ZBTB38: variants seen among roughly 807,000 people sequenced by gnomAD.
ZBTB38 encodes zinc finger and BTB domain-containing protein 38.
In ZBTB38, 20 loss-of-function variants were observed where a neutral mutation model predicts 76.8. That is an observed-to-expected ratio of 0.26 (90% CI 0.18 to 0.38). The LOEUF (loss-of-function observed/expected upper bound fraction) is 0.38, where lower values mean the gene tolerates loss of function less well. ZBTB38 is among the 10% of genes least tolerant of loss of function. The pLI is 1.00. For synonymous variants in ZBTB38, 504 were observed against 544.2 expected (o/e 0.93, Z 1.03); for missense variants, 1,082 against 1,482.3 (o/e 0.73, Z 4.43).
At chr3:141,337,390 A>G (rs913392550) in intron 1 of ZBTB38, among the ~76,000 whole-genome samples, 1 of 152,236 alleles carries the variant, frequency 6.6e-6, no homozygotes, top group South Asian at 2.1e-4. Flanking sequence ...AATTCCCTGG[A>G]TGAGGCGTTG....
At chr3:141,441,173 G>T (rs919484125) in intron 5 of ZBTB38, among the ~76,000 whole-genome samples, 1 of 152,100 alleles carries the variant, frequency 6.6e-6, no homozygotes, top group Non-Finnish European at 1.5e-5. Flanking sequence ...CTTACTGTGG[G>T]AAGTATGAAA....
Position 141,396,971 on chromosome 3 carries a change from T to C in ZBTB38, c.-105-6956T>C, listed in dbSNP as rs116778417. Reference sequence around the variant, plus strand: ...GTCCTAGGATTTTCATAATGGTCAATGGGCACTGGCTTCAACTTAAAGTCA... The same window carrying C: ...GTCCTAGGATTTTCATAATGGTCAACGGGCACTGGCTTCAACTTAAAGTCA... On this transcript the variant is annotated intron_variant, in intron 4 of 5. Coordinates refer to ENST00000321464, the MANE Select transcript of ZBTB38 (RefSeq NM_001376113.1). 3.0e-3 allele frequency among the ~76,000 whole-genome samples: 461 copies of C among 152,342 alleles called. 2 individuals carry two copies. Among genetic ancestry groups the C allele is most frequent in the African/African-American group, 0.011 (447 of 41,582 alleles).
At chr3:141,388,820 C>T (rs1947923133) in intron 4 of ZBTB38, 1 of 152,120 alleles carries the variant, frequency 6.6e-6, no homozygotes, top group Admixed American at 6.5e-5. Context: ...ATAGAGAAAG[C>T]TTGCACAGTG....
intron 1 of ZBTB38, among the ~76,000 whole-genome samples, chr3:141,355,189 A>C (rs964324464): frequency 2.0e-5 from 3 of 152,088 alleles, no homozygotes; most frequent in African/African-American, 7.2e-5. Context: ...ATAGAGATAA[A>C]TGTGGGTAAC....
chr3:141,412,093 C>T (rs1247606419), intron 5 of ZBTB38, among the ~76,000 whole-genome samples: 1 of 152,196 alleles, frequency 6.6e-6, no homozygotes, highest in African/African-American at 2.4e-5. Flanking sequence ...AACTCCCTTA[C>T]ATTAAAAATG....
Position 141,443,533 on chromosome 3 carries a change from C to A in ZBTB38, c.1145C>A (p.Thr382Asn). 1 of 1,614,182 alleles carries A rather than the reference C, an allele frequency of 6.2e-7. No homozygotes were observed. Among genetic ancestry groups the A allele is most frequent in the Non-Finnish European group, 8.5e-7 (1 of 1,180,050 alleles). Residue 382 changes from threonine (T) to asparagine (N), a missense_variant, in exon 6 of 6, where the codon ACC becomes AAC. This residue lies in a region of ZBTB38 where 324 missense variants were observed against 359.1 expected (regional missense o/e 0.90). Transcript: ENST00000321464. This position sits in a 1 kb window ranked among gnomAD's most constrained non-coding sequence, Gnocchi z 5.6. ...AAGTATTGCAACAAACAATTCACCACCCTGAACAGGTTGGATCGGCATGAA... is the reference window on the plus strand; with the variant it reads ...AAGTATTGCAACAAACAATTCACCAACCTGAACAGGTTGGATCGGCATGAA... ...VCKYCNKQFT[T>N]LNRLDRHEQI...
chr3:141,417,680 T>C (rs901923468), intron 5 of ZBTB38, among the ~76,000 whole-genome samples: 4 of 152,316 alleles, frequency 2.6e-5, no homozygotes, highest in African/African-American at 7.2e-5. Context: ...ATTAAATCTT[T>C]TAAATGACTT....
At chr3:141,341,758 G>A (rs1166648804) in intron 1 of ZBTB38, among the ~76,000 whole-genome samples, 1 of 152,190 alleles carries the variant, frequency 6.6e-6, no homozygotes, top group African/African-American at 2.4e-5. Context: ...CCAAGACACA[G>A]CCACCAAACA....
chr3:141,335,159 G>T (rs1559911238), intron 1 of ZBTB38, among the ~76,000 whole-genome samples: 1 of 152,242 alleles, frequency 6.6e-6, no homozygotes, highest in Non-Finnish European at 1.5e-5. Flanking sequence ...TGCTTGGTTG[G>T]AAGGCCTTTG....
rs568839750 is a variant in ZBTB38 at position 141,369,285 on chromosome 3, G to T, written c.-310+481G>T. Among the ~76,000 whole-genome samples, 14 of 152,306 alleles carry T rather than the reference G, an allele frequency of 9.2e-5. No homozygotes were observed. In the South Asian group the frequency reaches 2.3e-3, roughly 25 times the overall value. On this transcript the variant is annotated intron_variant, in intron 1 of 5. Transcript: ENST00000321464. ...TAAAATATGACAGCCCTGGTAAAAA[G>T]ATGTACATAATTGTGCTGCCTTTAC...
At chr3:141,411,779 T>C (rs1956755888) in intron 5 of ZBTB38, among the ~76,000 whole-genome samples, 1 of 152,236 alleles carries the variant, frequency 6.6e-6, no homozygotes, top group Non-Finnish European at 1.5e-5. Flanking sequence ...CTACACAGTG[T>C]AAAGCAACTT....
chr3:141,346,788 G>T (rs1044224117), intron 1 of ZBTB38, among the ~76,000 whole-genome samples: 20 of 136,324 alleles, frequency 1.5e-4, no homozygotes, highest in African/African-American at 2.1e-4. Context: ...TGTTTTGTGT[G>T]TGTGTGTGTG....
chr3:141,429,250 G>C (rs2076971201), intron 5 of ZBTB38, among the ~76,000 whole-genome samples: 1 of 150,706 alleles, frequency 6.6e-6, no homozygotes, highest in Non-Finnish European at 1.5e-5. Context: ...TTTGGGGGAT[G>C]GTGAGTGCAG....
At chr3:141,437,860 G>A (rs572566480) in intron 5 of ZBTB38, among the ~76,000 whole-genome samples, 123 of 152,144 alleles carry the variant, frequency 8.1e-4, no homozygotes, top group Non-Finnish European at 1.4e-3. Context: ...GTAAGCATTC[G>A]TTCAAAGGAG....
intron 5 of ZBTB38, among the ~76,000 whole-genome samples, chr3:141,439,896 G>A (rs2079711243): frequency 6.6e-6 from 1 of 152,088 alleles, no homozygotes; most frequent in Non-Finnish European, 1.5e-5. Context: ...ATCCTACAGG[G>A]GCCCAGAGCC....
chr3:141,425,872 G>A lies in ZBTB38; in HGVS notation c.1-16517G>A, dbSNP rs1029558030. Among the ~76,000 whole-genome samples the A allele has an allele frequency of 3.9e-5, 6 of 152,352 alleles. No individual in the cohort carries two copies. In the East Asian group the frequency reaches 1.2e-3, roughly 29 times the overall value. On this transcript the variant is annotated intron_variant, in intron 5 of 5. Transcript: ENST00000321464. ...CACCAATAGCTAAACAATCTTGGCT[G>A]AGTTCCACAGCCTCTCTAAACCTCA...
At chr3:141,346,817 G>GTGTGTGTGTGTGT (rs1559915420) in intron 1 of ZBTB38, among the ~76,000 whole-genome samples, 3 of 59,772 alleles carry the variant, frequency 5.0e-5, no homozygotes, top group African/African-American at 2.1e-4. Flanking sequence ...TGTGTGTGTG[G>GTGTGTGTGTGTGT]TGCAATGCTC....
chr3:141,381,788 G>A (rs1233021363), intron 3 of ZBTB38, among the ~76,000 whole-genome samples: 1 of 151,874 alleles, frequency 6.6e-6, no homozygotes, highest in African/African-American at 2.4e-5. Context: ...GAGACTTGGA[G>A]TCCAGCTCTT....
At chr3:141,358,294 T>C (rs1054574974) in intron 1 of ZBTB38, among the ~76,000 whole-genome samples, 2 of 152,038 alleles carry the variant, frequency 1.3e-5, no homozygotes, top group Admixed American at 6.6e-5. Flanking sequence ...ACCAAGATGG[T>C]GGGAGGGATC....
Sources: allele counts gnomAD v4.1 joint callset (sites outside exome capture counted in the v4.1 genomes callset), GRCh38; gene constraint gnomAD v4.1.1; regional missense constraint gnomAD v4.1.1; non-coding constraint Gnocchi (gnomAD v3.1); transcripts MANE v1.5; gene names NCBI Gene and HGNC (gene_info 2026-07-23, HGNC 2026-07-21).